The following TANC2 variants were observed in gnomAD, a reference collection of about 807,000 sequenced individuals.
TANC2 encodes the protein tetratricopeptide repeat, ankyrin repeat and coiled-coil containing 2.
TANC2 carries 26 observed loss-of-function variants against 210.5 expected under a neutral mutation model. The observed-to-expected ratio is 0.12, with a 90% CI of 0.09 to 0.17. The LOEUF (loss-of-function observed/expected upper bound fraction) is 0.17. Among genes scored for constraint, TANC2 ranks in the 10% least tolerant of loss-of-function variants. The probability of loss-of-function intolerance (pLI) is 1.00; values close to 1 mark genes in which losing one functional copy is unlikely to be tolerated. For missense variants in TANC2, 2,129 were observed against 2,608.9 expected (o/e 0.82, Z 4.01); for synonymous variants, 931 against 967.1 (o/e 0.96, Z 0.69).
Position 63,420,425 on chromosome 17 carries a change from C to T in TANC2, c.4695C>T (p.Thr1565=), listed in dbSNP as rs371119228. 3.7e-6 allele frequency: 6 copies of T among 1,613,968 alleles called. No individual in the cohort carries two copies. Among genetic ancestry groups the T allele is most frequent in the South Asian group, 1.1e-5 (1 of 91,072 alleles). ...CTGTAGGCTCTCCCACTAGACAGACCTATCAGTCCACCTCACCTGCCCTTT... is the reference window on the plus strand; with the variant it reads ...CTGTAGGCTCTCCCACTAGACAGACTTATCAGTCCACCTCACCTGCCCTTT... The change falls in exon 28 of 28, where the codon ACC becomes ACT. Residue 1565 remains threonine (T), a synonymous_variant. Transcript: ENST00000689528. This position sits in a 1 kb window ranked among gnomAD's most constrained non-coding sequence, Gnocchi z 4.2.
chr17:63,364,918 T>C (rs780394192), intron 14 of TANC2, among the ~76,000 whole-genome samples: 9 of 152,210 alleles, frequency 5.9e-5, no homozygotes, highest in Non-Finnish European at 1.3e-4. Context: ...AAGGTGGATA[T>C]GTTCGGTATA....
At chr17:63,055,650 CTT>C (rs369794571) in intron 2 of TANC2, among the ~76,000 whole-genome samples, 195 of 138,648 alleles carry the variant, frequency 1.4e-3, no homozygotes, top group Admixed American at 3.3e-3. Flanking sequence ...AACATCTTCA[CTT>C]TTTTTTTTTT....
exon 28 of TANC2, chr17:63,423,514 CTGT>C (rs2049074222): frequency 1.3e-5 from 2 of 152,220 alleles, no homozygotes; most frequent in African/African-American, 2.4e-5. Context: ...CATTCGTTCT[CTGT>C]TGTTAGGAAT....
chr17:63,131,396 T>G (rs1312463589), intron 4 of TANC2, among the ~76,000 whole-genome samples: 3 of 152,196 alleles, frequency 2.0e-5, no homozygotes, highest in Admixed American at 2.0e-4. Flanking sequence ...AGAAAGAGGT[T>G]GGGATCACTT....
chr17:63,265,632 G>A (rs955523462), intron 8 of TANC2, among the ~76,000 whole-genome samples: 5 of 152,112 alleles, frequency 3.3e-5, no homozygotes. Context: ...AAAATTAGGG[G>A]AATAGTTGTG....
At chr17:63,395,997 G>C (rs2048144845) in intron 18 of TANC2, 69 bp downstream of exon 18, 3 of 1,442,956 alleles carry the variant, frequency 2.1e-6, no homozygotes, top group Non-Finnish European at 9.3e-7. Context: ...CAGGAGAAAA[G>C]ATTGCACGAA....
intron 2 of TANC2, among the ~76,000 whole-genome samples, chr17:63,070,491 A>G (rs1157365304): frequency 1.3e-5 from 2 of 152,170 alleles, no homozygotes; most frequent in Non-Finnish European, 2.9e-5. Flanking sequence ...TCTCATCCTT[A>G]CTGGCCTTAC....
At chr17:63,177,021 T>C (rs1402752544) in intron 5 of TANC2, among the ~76,000 whole-genome samples, 1 of 152,052 alleles carries the variant, frequency 6.6e-6, no homozygotes, top group Non-Finnish European at 1.5e-5. Context: ...CCCAGCACTT[T>C]AGGAGGCCGA....
chr17:63,199,032 TGTAACCTG>T (rs1220959928), intron 6 of TANC2, among the ~76,000 whole-genome samples: 1 of 152,198 alleles, frequency 6.6e-6, no homozygotes, highest in Non-Finnish European at 1.5e-5. Flanking sequence ...ATTTATCTTT[TGTAACCTG>T]GTTATAGTAT....
At chr17:63,067,936 C>T (rs1339910388) in intron 2 of TANC2, among the ~76,000 whole-genome samples, 1 of 152,104 alleles carries the variant, frequency 6.6e-6, no homozygotes, top group Non-Finnish European at 1.5e-5. Flanking sequence ...ATTTGGTAAA[C>T]AGCACAAGTT....
intron 4 of TANC2, among the ~76,000 whole-genome samples, chr17:63,126,831 C>T (rs1016910763): frequency 1.3e-5 from 2 of 152,144 alleles, no homozygotes; most frequent in African/African-American, 4.8e-5. Context: ...ACATGAGTCA[C>T]GTTCCTTTTA....
chr17:63,012,454 G>A (rs2033915739), intron 2 of TANC2, among the ~76,000 whole-genome samples: 1 of 151,988 alleles, frequency 6.6e-6, no homozygotes, highest in South Asian at 2.1e-4. Flanking sequence ...TAATTGATAT[G>A]TTTACCCTCT....
chr17:63,374,487 G>GC (rs917106861), intron 14 of TANC2, among the ~76,000 whole-genome samples: 14 of 152,304 alleles, frequency 9.2e-5, no homozygotes, highest in African/African-American at 3.4e-4. Flanking sequence ...AGAGTGCCCT[G>GC]CAGTGGGTGC....
chr17:63,241,885 C>T (rs1567846009), intron 8 of TANC2, among the ~76,000 whole-genome samples: 1 of 152,226 alleles, frequency 6.6e-6, no homozygotes, highest in East Asian at 1.9e-4. Flanking sequence ...AGCAAAGACA[C>T]TAAACGGATT....
At chr17:63,005,683 C>T (rs146528156) in intron 1 of TANC2, among the ~76,000 whole-genome samples, 121 of 152,046 alleles carry the variant, frequency 8.0e-4, no homozygotes, top group Non-Finnish European at 1.3e-3. Flanking sequence ...AAGGATATTT[C>T]TGTGTCTATG....
chr17:63,136,112 A>G (rs2039081917), intron 4 of TANC2, among the ~76,000 whole-genome samples: 1 of 152,226 alleles, frequency 6.6e-6, no homozygotes, highest in Non-Finnish European at 1.5e-5. Flanking sequence ...TAAGATAAAG[A>G]TTTACAGATA....
intron 5 of TANC2, among the ~76,000 whole-genome samples, chr17:63,156,033 C>T (rs769226307): frequency 6.6e-6 from 1 of 151,730 alleles, no homozygotes; most frequent in Non-Finnish European, 1.5e-5. Context: ...AAAAAATTTC[C>T]GAGAACATTA....
chr17:62,999,979 C>T (rs2033297376), intron 1 of TANC2, among the ~76,000 whole-genome samples: 1 of 152,174 alleles, frequency 6.6e-6, no homozygotes, highest in African/African-American at 2.4e-5. Context: ...CACACTAATG[C>T]AGGAACAGAA....
chr17:63,211,015 C>T (rs1300345790), intron 7 of TANC2, among the ~76,000 whole-genome samples: 2 of 152,090 alleles, frequency 1.3e-5, no homozygotes, highest in African/African-American at 2.4e-5. Flanking sequence ...CTTTATATTT[C>T]TCATCCCTGT....
Sources: allele counts gnomAD v4.1 joint callset (sites outside exome capture counted in the v4.1 genomes callset), GRCh38; gene constraint gnomAD v4.1.1; non-coding constraint Gnocchi (gnomAD v3.1); transcripts MANE v1.5; gene names NCBI Gene and HGNC (gene_info 2026-07-23, HGNC 2026-07-21).